The following DYNC1I1 variants were observed in gnomAD, a reference collection of about 807,000 sequenced individuals.
DYNC1I1 encodes dynein cytoplasmic 1 intermediate chain 1.
Under a neutral mutation model 86.6 loss-of-function variants are expected in DYNC1I1, and 43 were observed. The observed-to-expected ratio is 0.50, with a 90% CI of 0.39 to 0.64. The LOEUF (loss-of-function observed/expected upper bound fraction) is 0.64, where lower values mean the gene tolerates loss of function less well. Among genes scored for constraint, DYNC1I1 ranks in the 30% least tolerant of loss-of-function variants. DYNC1I1 has a pLI of 0.00. For synonymous variants in DYNC1I1, 262 were observed against 283.7 expected (o/e 0.92, Z 0.77); for missense variants, 604 against 788.8 (o/e 0.77, Z 2.81).
At position 95,836,324 on chromosome 7, in the gene DYNC1I1, T is replaced by C. The variant is rs555974304; in HGVS notation, c.374+8208T>C. Among the ~76,000 whole-genome samples the C allele has an allele frequency of 3.7e-3, 570 of 152,310 alleles. 3 individuals carry two copies. Among genetic ancestry groups the C allele is most frequent in the African/African-American group, 0.013 (539 of 41,536 alleles). ...ACTCTCTTCTGTCTTGTAGGGTTTC[T>C]GCCGAGAGATCCGCTGTTAGTCTGA... On this transcript the variant is annotated intron_variant, in intron 5 of 16. Transcript: ENST00000447467.
intron 6 of DYNC1I1, among the ~76,000 whole-genome samples, chr7:95,905,296 G>C (rs1014928202): frequency 6.6e-6 from 1 of 152,094 alleles, no homozygotes; most frequent in African/African-American, 2.4e-5. Flanking sequence ...CCCATGTTGC[G>C]TGTGCAGAAA....
chr7:96,032,603 A>G (rs1412145942), intron 11 of DYNC1I1, 64 bp from the exon 12 acceptor site: 7 of 1,237,042 alleles, frequency 5.7e-6, no homozygotes, highest in Non-Finnish European at 8.3e-6. Flanking sequence ...AATGTGTTTG[A>G]CACTCAAATG....
chr7:95,798,153 G>C (rs1440658612), intron 1 of DYNC1I1, among the ~76,000 whole-genome samples: 1 of 152,186 alleles, frequency 6.6e-6, no homozygotes, highest in African/African-American at 2.4e-5. Context: ...AGGGTACTGA[G>C]ATAAAAATGT....
Position 95,807,472 on chromosome 7 carries a change from A to C in DYNC1I1, c.108+2635A>C, listed in dbSNP as rs1007517389. 3.9e-5 allele frequency among the ~76,000 whole-genome samples: 6 copies of C among 152,158 alleles called. No homozygotes were observed. In the South Asian group the frequency reaches 1.2e-3, roughly 32 times the overall value. On this transcript the variant is annotated intron_variant, in intron 2 of 16. Transcript: ENST00000447467. ...CCCCCTACCCCAATTCGCAGTGATC[A>C]TCAGGTCTGGACAGGCATAGCAGGA...
intron 15 of DYNC1I1, 98 bp downstream of exon 15, chr7:96,076,295 G>C: frequency 6.6e-7 from 1 of 1,506,140 alleles, no homozygotes; most frequent in Non-Finnish European, 8.9e-7. Flanking sequence ...GCCTTTTTTG[G>C]ACAGACCTTC....
chr7:95,868,503 GT>G (rs1485045892), intron 5 of DYNC1I1, among the ~76,000 whole-genome samples: 1 of 152,120 alleles, frequency 6.6e-6, no homozygotes, highest in Non-Finnish European at 1.5e-5. Context: ...ATATACTTCT[GT>G]TGCTCCTAGA....
chr7:95,996,572 A>C (rs925915776), intron 10 of DYNC1I1, among the ~76,000 whole-genome samples: 3 of 152,184 alleles, frequency 2.0e-5, no homozygotes, highest in Non-Finnish European at 4.4e-5. Context: ...AGTTGCTGGG[A>C]AATATAGATG....
chr7:95,950,329 T>C lies in DYNC1I1; in HGVS notation c.491-27183T>C, dbSNP rs17167260. Among the ~76,000 whole-genome samples the C allele has an allele frequency of 9.0e-3, 1,370 of 152,308 alleles. 23 individuals are homozygous for C. Among genetic ancestry groups the C allele is most frequent in the African/African-American group, 0.031 (1,297 of 41,564 alleles). ...TTTGAAAGTTTTGTTTTGTTTTGGC[T>C]CAGTTTGGTTGATTTGGTGTGTGGT... On this transcript the variant is annotated intron_variant, in intron 6 of 16. Coordinates refer to ENST00000447467, the MANE Select transcript of DYNC1I1 (RefSeq NM_001135556.2).
intron 6 of DYNC1I1, among the ~76,000 whole-genome samples, chr7:95,950,440 C>G (rs1339148673): frequency 6.6e-6 from 1 of 151,912 alleles, no homozygotes; most frequent in Non-Finnish European, 1.5e-5. Context: ...CTCTTTAGAC[C>G]AAAAATGGGC....
chr7:96,076,307 A>T, intron 15 of DYNC1I1, 110 bp downstream of exon 15: 1 of 1,460,842 alleles, frequency 6.8e-7, no homozygotes, highest in South Asian at 1.4e-5. Context: ...CAGACCTTCC[A>T]ACTGCAGCAG....
At chr7:95,783,723 T>C (rs1319661220) in intron 1 of DYNC1I1, among the ~76,000 whole-genome samples, 1 of 152,210 alleles carries the variant, frequency 6.6e-6, no homozygotes, top group Non-Finnish European at 1.5e-5. Context: ...TTGGACCTGA[T>C]TTGATAACAG....
intron 10 of DYNC1I1, 79 bp from the exon 11 acceptor site, chr7:96,028,096 G>A: frequency 1.3e-6 from 2 of 1,543,580 alleles, no homozygotes; most frequent in African/African-American, 1.4e-5. Flanking sequence ...TTTATGTGAT[G>A]AACTGTTTTC....
chr7:95,987,262 G>C, intron 9 of DYNC1I1, 107 bp downstream of exon 9: 1 of 1,006,004 alleles, frequency 9.9e-7, no homozygotes, highest in Non-Finnish European at 1.5e-6. Flanking sequence ...CTCTATGCCT[G>C]TTGGTTTTTT....
At chr7:95,906,069 G>A (rs1382551136) in intron 6 of DYNC1I1, among the ~76,000 whole-genome samples, 1 of 152,148 alleles carries the variant, frequency 6.6e-6, no homozygotes, top group East Asian at 1.9e-4. Context: ...TTCTGGGAAA[G>A]ACAGAGAGAA....
intron 6 of DYNC1I1, among the ~76,000 whole-genome samples, chr7:95,972,915 G>A (rs900021173): frequency 6.6e-6 from 1 of 152,186 alleles, no homozygotes; most frequent in Non-Finnish European, 1.5e-5. Flanking sequence ...GTGGCAACTG[G>A]AGACAGCAGA....
chr7:95,864,586 C>T (rs1789970387), intron 5 of DYNC1I1, among the ~76,000 whole-genome samples: 1 of 152,148 alleles, frequency 6.6e-6, no homozygotes, highest in South Asian at 2.1e-4. Context: ...CAGGACAAGA[C>T]CAAGTCAGCT....
chr7:95,823,760 G>C (rs1027173214), intron 4 of DYNC1I1, among the ~76,000 whole-genome samples: 1 of 151,530 alleles, frequency 6.6e-6, no homozygotes, highest in Non-Finnish European at 1.5e-5. Flanking sequence ...GGTTATTATT[G>C]TTCTCACAAC....
At chr7:95,870,635 A>C (rs962113468) in intron 6 of DYNC1I1, among the ~76,000 whole-genome samples, 1 of 152,258 alleles carries the variant, frequency 6.6e-6, no homozygotes, top group African/African-American at 2.4e-5. Flanking sequence ...GTATTTTCCC[A>C]TGCAAACTCC....
chr7:95,876,677 A>G (rs957758651), intron 6 of DYNC1I1, among the ~76,000 whole-genome samples: 5 of 152,234 alleles, frequency 3.3e-5, no homozygotes, highest in African/African-American at 1.2e-4. Context: ...TCAATGACAC[A>G]GTCAAGAAAT....
Sources: gnomAD v4.1 joint callset for allele counts (sites outside exome capture counted in the v4.1 genomes callset) on GRCh38, gnomAD v4.1.1 for gene constraint, MANE v1.5 for transcripts, NCBI Gene and HGNC (gene_info 2026-07-23, HGNC 2026-07-21) for gene names.